NDUFAF6: variants seen among roughly 807,000 people sequenced by gnomAD.
The protein encoded by NDUFAF6 is NADH:ubiquinone oxidoreductase complex assembly factor 6.
NDUFAF6 carries 45 observed loss-of-function variants against 40.8 expected under a neutral mutation model. That is an observed-to-expected ratio of 1.10 (90% CI 0.87 to 1.42). The LOEUF is 1.42. Among genes scored for constraint, NDUFAF6 ranks in the 40% most tolerant of loss-of-function variants. The probability of loss-of-function intolerance (pLI) is 0.00; values close to 1 mark genes in which losing one functional copy is unlikely to be tolerated. For missense variants in NDUFAF6, 435 were observed against 418.5 expected, an observed-to-expected ratio of 1.04 and a Z score of -0.34; for synonymous variants, 185 against 155.9, an observed-to-expected ratio of 1.19 and a Z score of -1.39.
chr8:95,117,661 C>G (rs1187368239), downstream of NDUFAF6, among the ~76,000 whole-genome samples: 1 of 152,212 alleles, frequency 6.6e-6, no homozygotes, highest in Non-Finnish European at 1.5e-5. Flanking sequence ...CACTTCTTAG[C>G]TTTCCTTTTA....
intron 2 of NDUFAF6, among the ~76,000 whole-genome samples, chr8:94,986,617 A>G (rs917358244): frequency 3.9e-5 from 6 of 152,148 alleles, no homozygotes; most frequent in East Asian, 3.9e-4. Context: ...AAGTCTAATA[A>G]AAAAATGCAA....
downstream of NDUFAF6, among the ~76,000 whole-genome samples, chr8:95,076,566 G>A (rs1215845747): frequency 6.6e-6 from 1 of 152,134 alleles, no homozygotes; most frequent in East Asian, 1.9e-4. Flanking sequence ...TTATGGCCCT[G>A]AATGCTGAGT....
rs1386112981 is a variant in NDUFAF6 at position 94,965,262 on chromosome 8, G to A, written c.-199+7083G>A. Among the ~76,000 whole-genome samples the A allele has an allele frequency of 2.6e-5, 4 of 152,186 alleles. 1 individual carries two copies. In the South Asian group the frequency reaches 8.3e-4, roughly 31 times the overall value. ...GGTGATGATATAATTAAAGGACCGG[G>A]GCAGTATACACACATTCCAACAGGT... is the stretch of plus-strand genomic sequence containing the variant. On this transcript the variant is annotated intron_variant, in intron 1 of 9. Coordinates refer to the NDUFAF6 transcript ENST00000396111.
At chr8:95,105,530 T>C (rs900054033), downstream of NDUFAF6, among the ~76,000 whole-genome samples, 2 of 152,006 alleles carry the variant, frequency 1.3e-5, no homozygotes, top group African/African-American at 4.8e-5. Context: ...CAGCTAATTT[T>C]TGTTTTGTTT....
chr8:94,900,001 C>T (rs1008478644), intron 1 of NDUFAF6, among the ~76,000 whole-genome samples: 1 of 152,228 alleles, frequency 6.6e-6, no homozygotes, highest in Non-Finnish European at 1.5e-5. Context: ...TCCCCACCTC[C>T]ATTGCCTTTC....
downstream of NDUFAF6, among the ~76,000 whole-genome samples, chr8:95,117,619 A>AT (rs1292295945): frequency 3.9e-5 from 6 of 152,108 alleles, no homozygotes; most frequent in Admixed American, 2.6e-4. Context: ...CCAGTGTATC[A>AT]TTTTTTCTCC....
At chr8:95,020,846 A>G (rs1282128317), upstream of NDUFAF6, among the ~76,000 whole-genome samples, 1 of 152,210 alleles carries the variant, frequency 6.6e-6, no homozygotes, top group African/African-American at 2.4e-5. Flanking sequence ...ATAGGATCAA[A>G]ACTGGGGGAA....
At chr8:95,107,726 G>A (rs374160124), downstream of NDUFAF6, among the ~76,000 whole-genome samples, 17 of 152,272 alleles carry the variant, frequency 1.1e-4, no homozygotes, top group African/African-American at 3.9e-4. Context: ...AAATGTTAAT[G>A]TAAGTACAGA....
chr8:95,007,672 T>G (rs982874191), intron 2 of NDUFAF6, among the ~76,000 whole-genome samples: 21 of 150,500 alleles, frequency 1.4e-4, no homozygotes, highest in African/African-American at 4.6e-4. Context: ...TTTTTTTTTT[T>G]TTTTTTTTTT....
rs112904554 is a variant in NDUFAF6, at chr8:95,084,992, C to G, written n.213+9240C>G. ...TACTAAAAACATCATTGGCCTGAAT[C>G]ACACTCAATAGAGGCATAAGGCATT... is the stretch of plus-strand genomic sequence containing the variant. On this transcript the variant is annotated intron_variant and non_coding_transcript_variant, in intron 2 of 5. Coordinates refer to the NDUFAF6 transcript ENST00000523184. Among the ~76,000 whole-genome samples the G allele has an allele frequency of 8.5e-3, 1,295 of 152,304 alleles. 16 individuals carry two copies. Among genetic ancestry groups the G allele is most frequent in the African/African-American group, 0.029 (1,199 of 41,554 alleles).
At chr8:94,900,660 G>C (rs866930421) in intron 1 of NDUFAF6, among the ~76,000 whole-genome samples, 12 of 152,308 alleles carry the variant, frequency 7.9e-5, no homozygotes, top group African/African-American at 2.6e-4. Flanking sequence ...TGCTCTGGGC[G>C]GGGCCCTGCT....
downstream of NDUFAF6, among the ~76,000 whole-genome samples, chr8:95,105,040 AACACAC>A (rs71569111): frequency 1.6e-5 from 2 of 128,368 alleles, no homozygotes; most frequent in Admixed American, 8.1e-5. Flanking sequence ...TGCTATGAGA[AACACAC>A]ACACACACAC....
chr8:94,937,572 T>C (rs531458070), intron 1 of NDUFAF6, among the ~76,000 whole-genome samples: 4 of 152,300 alleles, frequency 2.6e-5, no homozygotes, highest in East Asian at 1.9e-4. Flanking sequence ...GCATGACTTA[T>C]GCAATTCTAG....
intron 1 of NDUFAF6, among the ~76,000 whole-genome samples, chr8:95,026,838 A>G (rs2131728933): frequency 6.6e-6 from 1 of 152,312 alleles, no homozygotes; most frequent in East Asian, 1.9e-4. Flanking sequence ...GCTTGATGCC[A>G]GGAGTTTGAG....
chr8:94,985,819 C>A (rs1586906018), intron 2 of NDUFAF6, among the ~76,000 whole-genome samples: 1 of 150,790 alleles, frequency 6.6e-6, no homozygotes, highest in African/African-American at 2.4e-5. Context: ...CAGGTGTGAG[C>A]CTCCATGCCC....
At chr8:94,955,381 C>T (rs1822988603), upstream of NDUFAF6, among the ~76,000 whole-genome samples, 2 of 152,196 alleles carry the variant, frequency 1.3e-5, no homozygotes, top group Admixed American at 6.5e-5. Context: ...ATCAGGCATC[C>T]ACTCCTGTGA....
chr8:95,039,166 G>A (rs1829863729), intron 3 of NDUFAF6, among the ~76,000 whole-genome samples: 1 of 151,250 alleles, frequency 6.6e-6, no homozygotes, highest in South Asian at 2.1e-4. Flanking sequence ...TAGAAATGGG[G>A]TTTCGTGGCC....
intron 2 of NDUFAF6, among the ~76,000 whole-genome samples, chr8:94,947,764 A>G (rs1822148899): frequency 6.6e-6 from 1 of 152,260 alleles, no homozygotes; most frequent in African/African-American, 2.4e-5. Flanking sequence ...TTGAAAGCAG[A>G]CATCAGAGGA....
intron 1 of NDUFAF6, among the ~76,000 whole-genome samples, chr8:94,902,693 C>CT (rs35185664): frequency 0.59 from 71,257 of 121,476 alleles, 22,102 homozygotes; most frequent in East Asian, 0.79. Flanking sequence ...TGTGGACATA[C>CT]TTTTTTTTTT....
Sources: gnomAD v4.1 joint callset for allele counts (sites outside exome capture counted in the v4.1 genomes callset) on GRCh38, gnomAD v4.1.1 for gene constraint, MANE v1.5 for transcripts, NCBI Gene and HGNC (gene_info 2026-07-23, HGNC 2026-07-21) for gene names.